The following ZDHHC19 variants were observed in gnomAD, a reference collection of about 807,000 sequenced individuals.
ZDHHC19 encodes the protein palmitoyltransferase ZDHHC19.
Under a neutral mutation model 33.9 loss-of-function variants are expected in ZDHHC19, and 30 were observed. That is an observed-to-expected ratio of 0.88 (90% CI 0.66 to 1.20). The LOEUF (loss-of-function observed/expected upper bound fraction) is 1.20, where lower values mean the gene tolerates loss of function less well. Among genes scored for constraint, ZDHHC19 ranks in the 50% most tolerant of loss-of-function variants. ZDHHC19 has a pLI of 0.00. For missense variants in ZDHHC19, 364 were observed against 401.1 expected, an observed-to-expected ratio of 0.91 and a Z score of 0.79; for synonymous variants, 178 against 167.6, an observed-to-expected ratio of 1.06 and a Z score of -0.48.
intron 5 of ZDHHC19, 150 bp downstream of exon 5, chr3:196,207,248 A>G: frequency 1.6e-6 from 1 of 628,678 alleles, no homozygotes; most frequent in Non-Finnish European, 2.7e-6. Flanking sequence ...AGGAGGCGAG[A>G]TTGGAGCCTC....
At chr3:196,202,482 C>T (rs1434791588) in intron 5 of ZDHHC19, 1 of 152,410 alleles carries the variant, frequency 6.6e-6, no homozygotes, top group Non-Finnish European at 1.5e-5. Flanking sequence ...AGGAAAGTTC[C>T]AGTCACTGTG....
At position 196,211,296 on chromosome 3, in the gene ZDHHC19, G is replaced by C. The variant is rs1423630715; in HGVS notation, c.20C>G (p.Ala7Gly). 2 of 1,613,356 alleles carry C rather than the reference G, an allele frequency of 1.2e-6. No individual in the cohort carries two copies. Among genetic ancestry groups the C allele is most frequent in the South Asian group, 2.2e-5 (2 of 90,954 alleles). The change falls in exon 1 of 8, where the codon GCC becomes GGC. Residue 7 changes from alanine to glycine, a missense_variant. By Grantham distance (60) the Ala-to-Gly change is moderately conservative. Transcript: ENST00000296326. MTLLTD[A>G]TPLVKEPHPL... ...ATGGGGCTCCTTCACCAGCGGCGTG[G>C]CATCCGTTAAGAGTGTCATGGCTGG...
At chr3:196,210,763 TGAGCAGGGGCAGCC>T in intron 1 of ZDHHC19, 26 bp from the exon 2 acceptor site, 2 of 1,608,862 alleles carry the variant, frequency 1.2e-6, no homozygotes, top group Non-Finnish European at 1.7e-6. Context: ...GGCTCGGTCC[TGAGCAGGGGCAGCC>T]CAAAGCCCCC....
Position 196,207,471 on chromosome 3 carries a change from A to T in ZDHHC19, c.614T>A (p.Leu205Gln), listed in dbSNP as rs1350285319. 6.4e-7 allele frequency: 1 copy of T among 1,572,112 alleles called. No individual in the cohort carries two copies. Among genetic ancestry groups the T allele is most frequent in the Admixed American group, 1.9e-5 (1 of 53,922 alleles). Residue 205 changes from leucine (L) to glutamine (Q), a missense_variant, in exon 5 of 8, where the codon CTG becomes CAG. Transcript: ENST00000296326. ...CAGCAGCAGGAGGGACAGCGGCACC[A>T]GGAGGCCCGCGGCGGACACGGCCAC... ...IVVAVSAAGL[L>Q]VPLSLLLLIQ...
chr3:196,208,448 G>A lies in ZDHHC19; in HGVS notation c.521C>T (p.Thr174Ile). ...TGTGCGCACCAGGAAGATGAGACAG[G>A]TGACCAGCATGGCGCCCGAGTAGAG... ...LCLYSGAMLV[T>I]CLIFLVRTTH... The change falls in exon 4 of 8, where the codon ACC becomes ATC. Residue 174 changes from threonine to isoleucine, a missense_variant. Thr to Ile is a moderately conservative substitution (Grantham distance 89). Coordinates refer to ENST00000296326, the MANE Select transcript of ZDHHC19 (RefSeq NM_001039617.2). 1.2e-6 allele frequency: 2 copies of A among 1,614,204 alleles called. No homozygotes were observed. Among genetic ancestry groups the A allele is most frequent in the Non-Finnish European group, 1.7e-6 (2 of 1,180,022 alleles).
rs771718207 is a variant in ZDHHC19 at position 196,202,131 on chromosome 3, C to T, written c.688-3257G>A. On this transcript the variant is annotated intron_variant, in intron 5 of 7. Transcript: ENST00000296326. Reference sequence around the variant, plus strand: ...GTCACAAGTTCAAGACCAGCCTGGCCAACATAGTGAAATCCCGTCTCTAAT... The same window carrying T: ...GTCACAAGTTCAAGACCAGCCTGGCTAACATAGTGAAATCCCGTCTCTAAT... Among the ~76,000 whole-genome samples, 13 of 152,128 alleles carry T rather than the reference C, an allele frequency of 8.5e-5. 1 individual carries two copies. The highest frequency in any genetic ancestry group is 1.2e-4 in the Non-Finnish European group (8 of 68,038).
At chr3:196,208,638 TC>T (rs1722978589) in intron 3 of ZDHHC19, 78 bp from the exon 4 acceptor site, 1 of 1,501,108 alleles carries the variant, frequency 6.7e-7, no homozygotes, top group Admixed American at 2.0e-5. Flanking sequence ...CCTGAGGCCC[TC>T]CCCCTGCCTT....
At chr3:196,210,182 CTCTG>C (rs57559305) in intron 2 of ZDHHC19, among the ~76,000 whole-genome samples, 16,079 of 147,126 alleles carry the variant, frequency 0.11, 911 homozygotes, top group Middle Eastern at 0.2. Context: ...CAAAGCGAGA[CTCTG>C]TCTCAACAAA....
intron 5 of ZDHHC19, among the ~76,000 whole-genome samples, chr3:196,204,420 A>T (rs1485672093): frequency 1.3e-5 from 2 of 152,226 alleles, no homozygotes; most frequent in Non-Finnish European, 2.9e-5. Context: ...TCATGAATTC[A>T]CTCAATCTTG....
chr3:196,211,098 T>C (rs1489517305), intron 1 of ZDHHC19, 72 bp downstream of exon 1: 1 of 1,610,424 alleles, frequency 6.2e-7, no homozygotes, highest in African/African-American at 1.3e-5. Context: ...CTCCCCTGCC[T>C]CCATCCTATC....
rs80113778 is a variant in ZDHHC19, at chr3:196,200,417, C to T, written c.688-1543G>A. 6.6e-3 allele frequency among the ~76,000 whole-genome samples: 941 copies of T among 141,806 alleles called. 18 individuals carry two copies. The highest frequency in any genetic ancestry group is 0.038 in the Middle Eastern group (9 of 236). The allele number at this position is 141,806 out of a possible 152,430, so 93.0% of individuals were successfully genotyped here. On this transcript the variant is annotated intron_variant, in intron 5 of 7. Coordinates refer to ENST00000296326, the MANE Select transcript of ZDHHC19 (RefSeq NM_001039617.2). ...TCACCCAGGCTGGAGTGCAGTGGCGCGATCTCAGCTCACTGCAAGCTCCGC... is the reference window on the plus strand; with the variant it reads ...TCACCCAGGCTGGAGTGCAGTGGCGTGATCTCAGCTCACTGCAAGCTCCGC...
At chr3:196,206,120 C>T (rs1457762978) in intron 5 of ZDHHC19, among the ~76,000 whole-genome samples, 1 of 152,022 alleles carries the variant, frequency 6.6e-6, no homozygotes, top group Non-Finnish European at 1.5e-5. Flanking sequence ...GACACAATCT[C>T]GGCTCACTGC....
In ZDHHC19 at chr3:196,207,522, C is replaced by G. The variant is rs776329040; in HGVS notation, c.582-19G>C. 2.0e-6 allele frequency: 3 copies of G among 1,530,416 alleles called. No homozygotes were observed. In the South Asian group the frequency reaches 3.6e-5, roughly 18 times the overall value. The allele number at this position is 1,530,416 out of a possible 1,614,324, so 94.8% of individuals were successfully genotyped here. On this transcript the variant is annotated intron_variant, in intron 4 of 7. Coordinates refer to ENST00000296326, the MANE Select transcript of ZDHHC19 (RefSeq NM_001039617.2). Reference sequence around the variant, plus strand: ...CACGATGCTGCGCGGGTTAAGGAACCGGGCTGCGGGACCCCCACGCCTGGC... The same window carrying G: ...CACGATGCTGCGCGGGTTAAGGAACGGGGCTGCGGGACCCCCACGCCTGGC...
At position 196,209,436 on chromosome 3, in the gene ZDHHC19, C is replaced by T; in HGVS notation, c.348G>A (p.Lys116=). The T allele has an allele frequency of 1.2e-6, 2 of 1,611,104 alleles. No individual in the cohort carries two copies. Among genetic ancestry groups the T allele is most frequent in the Non-Finnish European group, 1.7e-6 (2 of 1,179,018 alleles). The change falls in exon 3 of 8, where the codon AAG becomes AAA. Residue 116 remains lysine (K), a synonymous_variant. Coordinates refer to ENST00000296326, the MANE Select transcript of ZDHHC19 (RefSeq NM_001039617.2). ...TCCGGGGCGGGCGGTGGAAGCAGCACTTTGGACACCATTGCAGGCGGAAGG... is the reference window on the plus strand; with the variant it reads ...TCCGGGGCGGGCGGTGGAAGCAGCATTTTGGACACCATTGCAGGCGGAAGG... ...HGAFRLQWCP[K]CCFHRPPRTY... is the part of the protein sequence containing the mutation.
At chr3:196,204,322 A>G (rs1722574763) in intron 5 of ZDHHC19, among the ~76,000 whole-genome samples, 1 of 152,222 alleles carries the variant, frequency 6.6e-6, no homozygotes, top group Non-Finnish European at 1.5e-5. Context: ...ATCTAACAAA[A>G]TGGATACAAA....
chr3:196,199,323 C>T (rs1722053841), intron 5 of ZDHHC19: 1 of 180,620 alleles, frequency 5.5e-6, no homozygotes, highest in South Asian at 1.2e-4. Flanking sequence ...TCCCTCTCCG[C>T]CACAGGGCAG....
chr3:196,206,961 C>T (rs1289172845), intron 5 of ZDHHC19, among the ~76,000 whole-genome samples: 2 of 152,076 alleles, frequency 1.3e-5, no homozygotes, highest in Admixed American at 6.6e-5. Context: ...CCCTCCTCTC[C>T]GTCTTCTGTC....
intron 5 of ZDHHC19, among the ~76,000 whole-genome samples, chr3:196,200,499 T>C (rs9881540): frequency 0.18 from 26,227 of 148,252 alleles, 2,828 homozygotes; most frequent in East Asian, 0.4. Context: ...GGATTACAGG[T>C]GCTCGCCACC....
At position 196,210,840 on chromosome 3, in the gene ZDHHC19, A is replaced by G. The variant is rs1723245987; in HGVS notation, c.147-103T>C. The stretch of plus-strand genomic sequence containing the variant: ...CAGGACCCACAGACCTTCAAGCCAG[A>G]TCTAAAAATCCAGGCTCCAAATACC... On this transcript the variant is annotated intron_variant, in intron 1 of 7. Coordinates refer to ENST00000296326, the MANE Select transcript of ZDHHC19 (RefSeq NM_001039617.2). 2.7e-6 allele frequency: 4 copies of G among 1,474,816 alleles called. No homozygotes were observed. In the East Asian group the frequency reaches 9.8e-5, roughly 36 times the overall value. The allele number at this position is 1,474,816 out of a possible 1,614,324, so 91.4% of individuals were successfully genotyped here. A position where few individuals can be genotyped will look rare whatever the true frequency, so the allele number is the denominator to read the frequency against.
Sources: gnomAD v4.1 joint callset for allele counts (sites outside exome capture counted in the v4.1 genomes callset) on GRCh38, gnomAD v4.1.1 for gene constraint, MANE v1.5 for transcripts, NCBI Gene and HGNC (gene_info 2026-07-23, HGNC 2026-07-21) for gene names.